PTPRD: variants seen among roughly 807,000 people sequenced by gnomAD.
PTPRD encodes protein tyrosine phosphatase receptor type D.
In PTPRD, 34 loss-of-function variants were observed where a neutral mutation model predicts 214.5. That is an observed-to-expected ratio of 0.16 (90% CI 0.12 to 0.21). The LOEUF (loss-of-function observed/expected upper bound fraction) is 0.21, where lower values mean the gene tolerates loss of function less well. Among genes scored for constraint, PTPRD ranks in the 10% least tolerant of loss-of-function variants. PTPRD has a pLI of 1.00. For missense variants in PTPRD, 2,545 were observed against 2,398.7 expected (o/e 1.06, Z -1.27); for synonymous variants, 1,128 against 845.7 (o/e 1.33, Z -5.79).
intron 39 of PTPRD, among the ~76,000 whole-genome samples, chr9:8,365,906 T>C (rs1329977275): frequency 6.6e-6 from 1 of 152,106 alleles, no homozygotes; most frequent in African/African-American, 2.4e-5. Context: ...AGAAGATCCA[T>C]GTCCTGCCCC....
intron 9 of PTPRD, among the ~76,000 whole-genome samples, chr9:9,390,172 G>A (rs2065302949): frequency 6.6e-6 from 1 of 152,140 alleles, no homozygotes; most frequent in African/African-American, 2.4e-5. Context: ...CAGCGGGGAA[G>A]CCGGATTATC....
chr9:9,596,779 T>G (rs1306068453), intron 7 of PTPRD, among the ~76,000 whole-genome samples: 1 of 152,032 alleles, frequency 6.6e-6, no homozygotes, highest in Non-Finnish European at 1.5e-5. Context: ...TAGCTTAAGT[T>G]AATTCTAAAC....
At chr9:8,816,137 A>G (rs953265235) in intron 11 of PTPRD, among the ~76,000 whole-genome samples, 5 of 152,228 alleles carry the variant, frequency 3.3e-5, no homozygotes, top group Non-Finnish European at 7.3e-5. Context: ...CAAAACAGTA[A>G]CATCATTCAC....
intron 10 of PTPRD, among the ~76,000 whole-genome samples, chr9:9,138,822 T>C (rs2099855208): frequency 6.6e-6 from 1 of 152,160 alleles, no homozygotes; most frequent in East Asian, 1.9e-4. Context: ...ATTTAAAAAA[T>C]GAACAAATTA....
chr9:9,037,375 G>A (rs891573449), intron 10 of PTPRD, among the ~76,000 whole-genome samples: 1 of 152,076 alleles, frequency 6.6e-6, no homozygotes, highest in South Asian at 2.1e-4. Context: ...AGGATATAGA[G>A]ACAATAGTTT....
At chr9:9,968,392 G>C (rs935180064) in intron 4 of PTPRD, among the ~76,000 whole-genome samples, 2 of 152,162 alleles carry the variant, frequency 1.3e-5, no homozygotes, top group African/African-American at 4.8e-5. Flanking sequence ...TTGAGTAAAT[G>C]TAACAGCAAG....
chr9:9,904,201 C>T (rs1017610590), intron 5 of PTPRD, among the ~76,000 whole-genome samples: 1 of 152,058 alleles, frequency 6.6e-6, no homozygotes, highest in African/African-American at 2.4e-5. Context: ...TTTTTCTTTT[C>T]TAAATCTCAA....
chr9:8,343,705 AAAC>A (rs955790124), intron 39 of PTPRD, among the ~76,000 whole-genome samples: 58 of 152,032 alleles, frequency 3.8e-4, no homozygotes, highest in African/African-American at 1.3e-3. Flanking sequence ...AGCCATCCAT[AAAC>A]AACAGCATAC....
At position 10,359,549 on chromosome 9, in the gene PTPRD, G is replaced by A. The variant is rs188243673; in HGVS notation, c.-599-18532C>T. On this transcript the variant is annotated intron_variant, in intron 2 of 45. Coordinates refer to ENST00000381196, the MANE Select transcript of PTPRD (RefSeq NM_002839.4). ...GCTTTTCAGTAACAAGAAGATTTTGGCACAAATTATTAATCTCTTTTCTTT... is the reference window on the plus strand; with the variant it reads ...GCTTTTCAGTAACAAGAAGATTTTGACACAAATTATTAATCTCTTTTCTTT... Among the ~76,000 whole-genome samples, 38 of 152,074 alleles carry A rather than the reference G, an allele frequency of 2.5e-4. No individual in the cohort carries two copies. In the East Asian group the frequency reaches 4.4e-3, roughly 18 times the overall value.
intron 2 of PTPRD, among the ~76,000 whole-genome samples, chr9:10,571,126 T>C (rs1299394098): frequency 6.6e-6 from 1 of 152,172 alleles, no homozygotes; most frequent in Non-Finnish European, 1.5e-5. Flanking sequence ...CAGCATATTT[T>C]GTTTTTTTAA....
intron 11 of PTPRD, among the ~76,000 whole-genome samples, chr9:8,804,516 G>A (rs1229939924): frequency 6.6e-6 from 1 of 151,954 alleles, no homozygotes; most frequent in East Asian, 1.9e-4. Flanking sequence ...GAGGATTGCT[G>A]GGCACTGGAG....
chr9:10,485,968 T>C (rs1291676105), intron 2 of PTPRD, among the ~76,000 whole-genome samples: 1 of 152,130 alleles, frequency 6.6e-6, no homozygotes, highest in African/African-American at 2.4e-5. Flanking sequence ...ATATGCTCAT[T>C]GGCTGCATAA....
chr9:8,472,735 A>C (rs2096679393), intron 30 of PTPRD, among the ~76,000 whole-genome samples: 1 of 152,186 alleles, frequency 6.6e-6, no homozygotes, highest in South Asian at 2.1e-4. Context: ...AATTAATTTC[A>C]CCTGCTTTTT....
chr9:9,897,834 C>T (rs909825760), intron 5 of PTPRD, among the ~76,000 whole-genome samples: 10 of 152,126 alleles, frequency 6.6e-5, no homozygotes, highest in African/African-American at 2.4e-4. Flanking sequence ...TAGCTAAATT[C>T]AGCATTGGTA....
intron 9 of PTPRD, among the ~76,000 whole-genome samples, chr9:9,193,270 C>T (rs1188504368): frequency 6.6e-6 from 1 of 152,064 alleles, no homozygotes; most frequent in Non-Finnish European, 1.5e-5. Flanking sequence ...TACTCAAGGT[C>T]AGATACAATC....
intron 4 of PTPRD, among the ~76,000 whole-genome samples, chr9:9,999,191 G>C (rs776406035): frequency 9.9e-5 from 15 of 152,192 alleles, no homozygotes; most frequent in Non-Finnish European, 1.5e-4. Context: ...GGCTGGGAAA[G>C]GCCCGACACT....
At chr9:10,169,764 C>T (rs2099188932) in intron 3 of PTPRD, among the ~76,000 whole-genome samples, 1 of 152,046 alleles carries the variant, frequency 6.6e-6, no homozygotes, top group Non-Finnish European at 1.5e-5. Context: ...AGTGTTTAGG[C>T]AGAAAATCTC....
chr9:8,763,470 G>A (rs940550264), intron 11 of PTPRD, among the ~76,000 whole-genome samples: 1 of 151,818 alleles, frequency 6.6e-6, no homozygotes, highest in South Asian at 2.1e-4. Flanking sequence ...CCAAGATCAC[G>A]CCACTGCACT....
chr9:9,573,865 A>T (rs1245222088), intron 8 of PTPRD, among the ~76,000 whole-genome samples: 1 of 151,814 alleles, frequency 6.6e-6, no homozygotes, highest in African/African-American at 2.4e-5. Flanking sequence ...GTTATCTACG[A>T]TCATTTTAAA....
Sources: gnomAD v4.1 joint callset for allele counts (sites outside exome capture counted in the v4.1 genomes callset) on GRCh38, gnomAD v4.1.1 for gene constraint, MANE v1.5 for transcripts, NCBI Gene and HGNC (gene_info 2026-07-23, HGNC 2026-07-21) for gene names.